The following STIM2 variants were observed in gnomAD, a reference collection of about 807,000 sequenced individuals.
The protein encoded by STIM2 is stromal interaction molecule 2.
A neutral mutation model predicts 85.8 loss-of-function variants in STIM2; 31 were observed. That is an observed-to-expected ratio of 0.36 (90% CI 0.27 to 0.49). The LOEUF (loss-of-function observed/expected upper bound fraction) is 0.49. Ranked by LOEUF, STIM2 falls within the 20% of genes least tolerant of loss-of-function variation. STIM2 has a pLI of 0.98. For synonymous variants in STIM2, 356 were observed against 331.1 expected (o/e 1.08, Z -0.82); for missense variants, 841 against 927.6 (o/e 0.91, Z 1.21).
intron 3 of STIM2, among the ~76,000 whole-genome samples, chr4:26,969,411 A>G (rs1726847277): frequency 6.6e-6 from 1 of 152,136 alleles, no homozygotes; most frequent in Non-Finnish European, 1.5e-5. Flanking sequence ...TAACATCATT[A>G]TTTTCCCTGT....
chr4:26,974,363 G>A (rs1198730953), intron 3 of STIM2, among the ~76,000 whole-genome samples: 1 of 152,118 alleles, frequency 6.6e-6, no homozygotes, highest in Non-Finnish European at 1.5e-5. Flanking sequence ...TTTTTGCAGT[G>A]GCTAGTACCG....
chr4:26,901,245 C>T (rs1443335160), intron 1 of STIM2, among the ~76,000 whole-genome samples: 1 of 152,124 alleles, frequency 6.6e-6, no homozygotes, highest in Non-Finnish European at 1.5e-5. Context: ...TTTCAACACA[C>T]TTGTAGTTTT....
chr4:26,885,869 A>ATATATATG (rs1723224330), intron 1 of STIM2, among the ~76,000 whole-genome samples: 1 of 105,206 alleles, frequency 9.5e-6, no homozygotes, highest in Non-Finnish European at 2.0e-5. Flanking sequence ...ATATATATAT[A>ATATATATG]TATATGTATA....
chr4:26,963,480 GTTATC>G (rs1726562163), intron 3 of STIM2, among the ~76,000 whole-genome samples: 3 of 152,066 alleles, frequency 2.0e-5, no homozygotes, highest in Admixed American at 2.0e-4. Context: ...ATAAGGTAGT[GTTATC>G]TTTGTGGCAT....
At chr4:26,937,378 C>T (rs1725432521) in intron 2 of STIM2, among the ~76,000 whole-genome samples, 1 of 152,126 alleles carries the variant, frequency 6.6e-6, no homozygotes, top group Non-Finnish European at 1.5e-5. Context: ...CCTGATGGTA[C>T]TGCCAGTGCT....
chr4:26,963,835 T>C (rs1284109742), intron 3 of STIM2, among the ~76,000 whole-genome samples: 1 of 152,220 alleles, frequency 6.6e-6, no homozygotes, highest in Non-Finnish European at 1.5e-5. Context: ...TGCGAAATCC[T>C]TCAAATAAGC....
chr4:26,918,766 G>A (rs1004150988), intron 1 of STIM2, among the ~76,000 whole-genome samples: 3 of 152,142 alleles, frequency 2.0e-5, no homozygotes, highest in Admixed American at 6.5e-5. Context: ...ATTGAAAAAT[G>A]TTTCATGCTT....
chr4:27,002,868 T>TA (rs5856961), intron 6 of STIM2, 59 bp from the exon 7 acceptor site: 405,987 of 1,299,180 alleles, frequency 0.31, 53,735 homozygotes, highest in East Asian at 0.54. Flanking sequence ...CATTATTTTG[T>TA]AAAAAAAAAT....
chr4:26,951,783 A>G (rs757749057), intron 2 of STIM2, among the ~76,000 whole-genome samples: 3 of 152,124 alleles, frequency 2.0e-5, no homozygotes, highest in Non-Finnish European at 4.4e-5. Flanking sequence ...CTTGCTATAT[A>G]TATTTTTGAT....
intron 1 of STIM2, among the ~76,000 whole-genome samples, chr4:26,884,310 G>C (rs967483183): frequency 3.3e-5 from 5 of 152,130 alleles, no homozygotes; most frequent in African/African-American, 1.2e-4. Context: ...CACTTAATAG[G>C]GTTGTTGTGA....
intron 1 of STIM2, among the ~76,000 whole-genome samples, chr4:26,880,179 T>C (rs1200750762): frequency 1.3e-5 from 2 of 152,226 alleles, no homozygotes; most frequent in Non-Finnish European, 2.9e-5. Context: ...CTACCCAGCT[T>C]CCTTTCTGCT....
chr4:27,015,872 A>G (rs925688205), intron 10 of STIM2, among the ~76,000 whole-genome samples: 3 of 150,544 alleles, frequency 2.0e-5, no homozygotes, highest in African/African-American at 7.3e-5. Context: ...AAAAAACACT[A>G]GCCATTATCT....
intron 2 of STIM2, among the ~76,000 whole-genome samples, chr4:26,949,091 G>C (rs186150070): frequency 6.6e-6 from 1 of 152,064 alleles, no homozygotes; most frequent in African/African-American, 2.4e-5. Flanking sequence ...ACTTAGAATA[G>C]AATTGCTTTT....
At chr4:26,945,100 C>T (rs1725765272) in intron 2 of STIM2, among the ~76,000 whole-genome samples, 1 of 152,262 alleles carries the variant, frequency 6.6e-6, no homozygotes, top group Non-Finnish European at 1.5e-5. Context: ...TCTTTTTACC[C>T]CCCACCCTCT....
At chr4:26,975,417 G>A (rs1577473814) in intron 3 of STIM2, among the ~76,000 whole-genome samples, 1 of 152,234 alleles carries the variant, frequency 6.6e-6, no homozygotes, top group East Asian at 1.9e-4. Context: ...ACCTACAGAT[G>A]GGGTTTTGGT....
intron 10 of STIM2, among the ~76,000 whole-genome samples, chr4:27,012,606 G>A (rs941429221): frequency 9.9e-5 from 15 of 152,082 alleles, no homozygotes; most frequent in African/African-American, 2.9e-4. Flanking sequence ...ATATATTTAA[G>A]TATTTTATGG....
At chr4:26,974,334 G>T (rs894912204) in intron 3 of STIM2, among the ~76,000 whole-genome samples, 3 of 152,158 alleles carry the variant, frequency 2.0e-5, no homozygotes, top group African/African-American at 7.2e-5. Context: ...AGCCTTGATG[G>T]TCTTTACAAT....
intron 1 of STIM2, among the ~76,000 whole-genome samples, chr4:26,892,366 G>C (rs1213140213): frequency 6.6e-6 from 1 of 152,126 alleles, no homozygotes; most frequent in Non-Finnish European, 1.5e-5. Flanking sequence ...CCATCTTTTT[G>C]TATCTTCATG....
At chr4:26,871,898 A>G (rs1360825184) in intron 1 of STIM2, among the ~76,000 whole-genome samples, 1 of 152,038 alleles carries the variant, frequency 6.6e-6, no homozygotes, top group African/African-American at 2.4e-5. Context: ...CTAGGGCAGG[A>G]TTTCCTGAGT....
Sources: gnomAD v4.1 joint callset for allele counts (sites outside exome capture counted in the v4.1 genomes callset) on GRCh38, gnomAD v4.1.1 for gene constraint, MANE v1.5 for transcripts, NCBI Gene and HGNC (gene_info 2026-07-23, HGNC 2026-07-21) for gene names.